SPATA13: variants seen among roughly 807,000 people sequenced by gnomAD.
The protein encoded by SPATA13 is spermatogenesis-associated protein 13.
SPATA13 carries 50 observed loss-of-function variants against 104.0 expected under a neutral mutation model. The ratio of observed to expected loss-of-function variants is 0.48; its 90% confidence interval spans 0.38 to 0.61. The LOEUF is 0.61. Ranked by LOEUF, SPATA13 falls within the 20% of genes least tolerant of loss-of-function variation. The probability of loss-of-function intolerance (pLI) is 0.00; values close to 1 mark genes in which losing one functional copy is unlikely to be tolerated. For missense variants in SPATA13, 1,524 were observed against 1,690.6 expected, an observed-to-expected ratio of 0.90 and a Z score of 1.73; for synonymous variants, 606 against 667.5, an observed-to-expected ratio of 0.91 and a Z score of 1.42.
chr13:24,059,165 GT>G (rs1482277325), intron 3 of SPATA13, among the ~76,000 whole-genome samples: 1 of 151,508 alleles, frequency 6.6e-6, no homozygotes, highest in African/African-American at 2.4e-5. Context: ...TAGAGACGGG[GT>G]TTCACCGTGT....
intron 3 of SPATA13, among the ~76,000 whole-genome samples, chr13:24,093,845 TAAG>T (rs1879983843): frequency 1.3e-5 from 2 of 152,280 alleles, no homozygotes; most frequent in South Asian, 4.2e-4. Context: ...CATGGAACTG[TAAG>T]AATCATCTTG....
intron 2 of SPATA13, among the ~76,000 whole-genome samples, chr13:24,230,049 C>T (rs1031936731): frequency 2.6e-5 from 4 of 152,122 alleles, no homozygotes; most frequent in African/African-American, 9.7e-5. Flanking sequence ...ATGGAGAGGA[C>T]AGGGGCATTT....
chr13:24,190,949 C>T (rs575297253), intron 1 of SPATA13, among the ~76,000 whole-genome samples: 38 of 152,144 alleles, frequency 2.5e-4, no homozygotes, highest in Admixed American at 7.2e-4. Flanking sequence ...ATGCAGCAAA[C>T]CTCACTGTCT....
At position 24,012,735 on chromosome 13, in the gene SPATA13, C is replaced by T. The variant is rs570536775; in HGVS notation, c.-146-4932C>T. On this transcript the variant is annotated intron_variant, in intron 2 of 14. Transcript: ENST00000424834. ...AGCACCTGCCTTGCTGGGAATGGCA[C>T]GGGCATAGGAGCAGTCATGCCCACT... Among the ~76,000 whole-genome samples, 10 of 152,386 alleles carry T rather than the reference C, an allele frequency of 6.6e-5. No homozygotes were observed. In the South Asian group the frequency reaches 1.9e-3, roughly 28 times the overall value.
chr13:24,084,268 G>T (rs1879647540), intron 3 of SPATA13, among the ~76,000 whole-genome samples: 1 of 152,212 alleles, frequency 6.6e-6, no homozygotes, highest in Non-Finnish European at 1.5e-5. Context: ...GTCGAAGGAG[G>T]CATTCGCTGG....
At chr13:24,066,950 A>G (rs1168039918) in intron 3 of SPATA13, among the ~76,000 whole-genome samples, 1 of 152,198 alleles carries the variant, frequency 6.6e-6, no homozygotes, top group Non-Finnish European at 1.5e-5. Flanking sequence ...CATTTGCAAG[A>G]TAATAGCTAA....
intron 3 of SPATA13, among the ~76,000 whole-genome samples, chr13:24,109,987 G>C (rs961761493): frequency 6.7e-6 from 1 of 148,996 alleles, no homozygotes; most frequent in East Asian, 2.0e-4. Context: ...CCCATTCCAT[G>C]TGAGAACTAA....
intron 2 of SPATA13, among the ~76,000 whole-genome samples, chr13:24,247,712 A>G (rs1484461998): frequency 6.6e-6 from 1 of 151,866 alleles, no homozygotes; most frequent in African/African-American, 2.4e-5. Context: ...CAAACTCCTG[A>G]TCTCAAGTGA....
At chr13:24,107,327 T>C (rs9580869) in intron 3 of SPATA13, among the ~76,000 whole-genome samples, 28,073 of 149,230 alleles carry the variant, frequency 0.19, 3,962 homozygotes, top group African/African-American at 0.4. Flanking sequence ...GCTGTATGTA[T>C]GCAGGCACAG....
chr13:24,188,444 C>G (rs770482917), intron 1 of SPATA13, among the ~76,000 whole-genome samples: 2 of 152,166 alleles, frequency 1.3e-5, no homozygotes, highest in Non-Finnish European at 2.9e-5. Context: ...AGATAGAGAT[C>G]AAACTGGCCA....
intron 4 of SPATA13, among the ~76,000 whole-genome samples, chr13:24,272,233 A>C (rs371244694): frequency 6.6e-6 from 1 of 152,024 alleles, no homozygotes; most frequent in African/African-American, 2.4e-5. Flanking sequence ...CGCCTTCCAC[A>C]CAGGGGAGGC....
intron 3 of SPATA13, among the ~76,000 whole-genome samples, chr13:24,128,215 T>C (rs1278847324): frequency 6.6e-6 from 1 of 152,088 alleles, no homozygotes; most frequent in Non-Finnish European, 1.5e-5. Flanking sequence ...GCCCTGAGAA[T>C]TGGACTCCAC....
At chr13:24,284,016 T>G in intron 4 of SPATA13, 119 bp from the exon 5 acceptor site, 2 of 1,023,350 alleles carry the variant, frequency 2.0e-6, no homozygotes, top group Non-Finnish European at 2.8e-6. Flanking sequence ...AGTTTCTTAT[T>G]CTGAGTAAGA....
At chr13:24,116,144 A>T (rs1325247293) in intron 3 of SPATA13, among the ~76,000 whole-genome samples, 1 of 152,208 alleles carries the variant, frequency 6.6e-6, no homozygotes, top group African/African-American at 2.4e-5. Flanking sequence ...TGAACAACAG[A>T]AATTTCCCAC....
chr13:24,062,743 C>G (rs1160811879), intron 3 of SPATA13, among the ~76,000 whole-genome samples: 1 of 152,056 alleles, frequency 6.6e-6, no homozygotes, highest in Non-Finnish European at 1.5e-5. Context: ...TGTGTATGTG[C>G]ACCGTGTCTG....
rs201838486 is a variant in SPATA13 at position 24,079,668 on chromosome 13, TTTTC to T, written c.-112+61978_-112+61981del. Among the ~76,000 whole-genome samples, 1,055 of 152,216 alleles carry T rather than the reference TTTTC, an allele frequency of 6.9e-3. 13 individuals carry two copies. The highest frequency in any genetic ancestry group is 0.024 in the African/African-American group (1,003 of 41,514). On this transcript the variant is annotated intron_variant, in intron 3 of 14. Transcript: ENST00000424834. The stretch of plus-strand genomic sequence containing the variant: ...CAGTTCTTTCCTGGGCTCTACTTTA[TTTTC>T]TTTCTTTCTTCTTTTTTATCTAAAA...
chr13:24,121,040 A>G (rs1881016726), intron 3 of SPATA13, among the ~76,000 whole-genome samples: 2 of 152,062 alleles, frequency 1.3e-5, no homozygotes, highest in South Asian at 4.1e-4. Context: ...TTTCTGAATT[A>G]AGTTCTTTTA....
chr13:24,234,676 C>G (rs1284571994), intron 2 of SPATA13, among the ~76,000 whole-genome samples: 6 of 152,226 alleles, frequency 3.9e-5, no homozygotes, highest in African/African-American at 1.4e-4. Flanking sequence ...ACTTGCAGTG[C>G]TCTGGGGCAG....
chr13:24,148,733 C>T (rs1387310124), intron 3 of SPATA13, among the ~76,000 whole-genome samples: 1 of 152,120 alleles, frequency 6.6e-6, no homozygotes, highest in East Asian at 1.9e-4. Flanking sequence ...CTTAATGGAC[C>T]AAACACATCA....
Sources: gnomAD v4.1 joint callset for allele counts (sites outside exome capture counted in the v4.1 genomes callset) on GRCh38, gnomAD v4.1.1 for gene constraint, MANE v1.5 for transcripts, NCBI Gene and HGNC (gene_info 2026-07-23, HGNC 2026-07-21) for gene names.